The following SCAI variants were observed in gnomAD, a reference collection of about 807,000 sequenced individuals.
SCAI encodes the protein suppressor of cancer cell invasion, also known as protein SCAI.
SCAI carries 24 observed loss-of-function variants against 92.2 expected under a neutral mutation model. The ratio of observed to expected loss-of-function variants is 0.26; its 90% CI spans 0.19 to 0.37. The LOEUF is 0.37. SCAI is among the 10% of genes least tolerant of loss of function. SCAI has a pLI of 1.00. For synonymous variants in SCAI, 261 were observed against 258.6 expected (o/e 1.01, Z -0.09); for missense variants, 450 against 736.2 (o/e 0.61, Z 4.50).
Position 125,099,943 on chromosome 9 carries a change from T to TG in SCAI, c.98+42689dup, listed in dbSNP as rs1834644708. Among the ~76,000 whole-genome samples, 3 of 152,386 alleles carry TG rather than the reference T, an allele frequency of 2.0e-5. No homozygotes were observed. The South Asian group carries it at 6.2e-4, about 32-fold the overall frequency. Reference sequence around the variant, plus strand: ...TTGTTTATCTGTCCATCTATATCAATGGACATCCGGGTTGTGTGCACCTTT... The same window carrying TG: ...TTGTTTATCTGTCCATCTATATCAATGGGACATCCGGGTTGTGTGCACCTTT... On this transcript the variant is annotated intron_variant, in intron 2 of 17. Transcript: ENST00000336505.
At chr9:125,130,935 G>GTT (rs1564133509) in intron 2 of SCAI, among the ~76,000 whole-genome samples, 1 of 92,738 alleles carries the variant, frequency 1.1e-5, no homozygotes, top group African/African-American at 3.6e-5. Flanking sequence ...GGTTTGAACC[G>GTT]CTTTTTTTTT....
At chr9:125,097,668 G>C (rs1226259045) in intron 2 of SCAI, among the ~76,000 whole-genome samples, 3 of 151,686 alleles carry the variant, frequency 2.0e-5, no homozygotes, top group African/African-American at 7.3e-5. Context: ...AGAAGAGAAA[G>C]AAGTAGGAAG....
chr9:124,991,351 CAAAAAAAAAAAAAA>C (rs34976572), intron 14 of SCAI, among the ~76,000 whole-genome samples: 10 of 40,228 alleles, frequency 2.5e-4, no homozygotes, highest in African/African-American at 1.1e-3. Flanking sequence ...AACTCCGTCT[CAAAAAAAAAAAAAA>C]AAAAAAAAAA....
In SCAI at chr9:125,093,094, C is replaced by T. The variant is rs1168698879; in HGVS notation, c.99-37087G>A. 2.6e-5 allele frequency among the ~76,000 whole-genome samples: 4 copies of T among 152,242 alleles called. No homozygotes were observed. In the East Asian group the frequency reaches 7.7e-4, roughly 29 times the overall value. The stretch of plus-strand genomic sequence containing the variant: ...CATCATTTCCGGCTGGGCACGATGG[C>T]TCATGCCTATAATCCCAACACTTTG... On this transcript the variant is annotated intron_variant, in intron 2 of 17. Transcript: ENST00000336505.
At chr9:125,112,031 T>C (rs560522300) in intron 2 of SCAI, among the ~76,000 whole-genome samples, 1 of 152,222 alleles carries the variant, frequency 6.6e-6, no homozygotes, top group Admixed American at 6.5e-5. Context: ...CTGAGAGGAT[T>C]AGAGGGAACA....
At chr9:125,063,637 G>A (rs549277407) in intron 2 of SCAI, among the ~76,000 whole-genome samples, 1 of 151,752 alleles carries the variant, frequency 6.6e-6, no homozygotes, top group South Asian at 2.1e-4. Flanking sequence ...GGGAAGAAGT[G>A]TAGCTACGCT....
chr9:124,976,787 A>G (rs1335218443), intron 14 of SCAI, among the ~76,000 whole-genome samples: 1 of 152,256 alleles, frequency 6.6e-6, no homozygotes, highest in Non-Finnish European at 1.5e-5. Flanking sequence ...TCCTAGGAGT[A>G]AACTTAAAAA....
At position 125,055,950 on chromosome 9, in the gene SCAI, T is replaced by C. The variant is rs201850337; in HGVS notation, c.156A>G (p.Pro52=). ...CTGTAACTGTTTTCCTCTCTCCCTG[T>C]GGGATATCATCTTCAGCACCTCCAG... ...MSSGGAEDDI[P]QGERKTVTDF... is the part of the protein sequence containing the mutation. The change falls in exon 3 of 18, where the codon CCA becomes CCG. Residue 52 remains proline, a synonymous_variant. Coordinates refer to ENST00000336505, the MANE Select transcript of SCAI (RefSeq NM_001144877.3). The C allele has an allele frequency of 2.2e-5, 35 of 1,611,422 alleles. No homozygotes were observed. Among genetic ancestry groups the C allele is most frequent in the African/African-American group, 2.7e-5 (2 of 74,870 alleles).
At chr9:125,094,200 A>G (rs1316167349) in intron 2 of SCAI, among the ~76,000 whole-genome samples, 1 of 152,222 alleles carries the variant, frequency 6.6e-6, no homozygotes, top group Non-Finnish European at 1.5e-5. Context: ...CCAAGTCTTT[A>G]CAATGGCTTA....
intron 3 of SCAI, among the ~76,000 whole-genome samples, chr9:125,042,452 C>T (rs1487833021): frequency 1.3e-5 from 2 of 151,996 alleles, no homozygotes; most frequent in Non-Finnish European, 2.9e-5. Context: ...AAATCCAAGT[C>T]CAAGGGGCAT....
chr9:125,052,122 T>A (rs1833572090), intron 3 of SCAI, among the ~76,000 whole-genome samples: 1 of 152,048 alleles, frequency 6.6e-6, no homozygotes, highest in South Asian at 2.1e-4. Context: ...TATAAAACTC[T>A]TAGAAAAAAA....
intron 3 of SCAI, among the ~76,000 whole-genome samples, chr9:125,049,471 C>T (rs1255537737): frequency 6.6e-6 from 1 of 152,212 alleles, no homozygotes; most frequent in Non-Finnish European, 1.5e-5. Context: ...GTATTCAAAG[C>T]TTTTTCTAAC....
At chr9:125,074,601 C>A (rs1834050120) in intron 2 of SCAI, among the ~76,000 whole-genome samples, 1 of 151,780 alleles carries the variant, frequency 6.6e-6, no homozygotes, top group Admixed American at 6.6e-5. Flanking sequence ...TGGCAAAGAA[C>A]AGATAGAATC....
rs957237880 is a variant in SCAI, at chr9:124,948,588, A to G, written c.*4219T>C. On this transcript the variant is annotated 3_prime_UTR_variant, in exon 18 of 18. Transcript: ENST00000336505. ...TTTAGTTCTAGCTCTATCACTATGA[A>G]TAGCTTTTTGGGTCTCAGCTTTCTC... 1.3e-5 allele frequency: 2 copies of G among 152,208 alleles called. No homozygotes were observed. Among genetic ancestry groups the G allele is most frequent in the African/African-American group, 4.8e-5 (2 of 41,454 alleles). 9.4% of individuals were successfully genotyped at this position (152,208 alleles called of 1,614,324 possible).
chr9:125,136,549 C>T (rs1835535843), intron 2 of SCAI, among the ~76,000 whole-genome samples: 1 of 148,484 alleles, frequency 6.7e-6, no homozygotes, highest in African/African-American at 2.5e-5. Flanking sequence ...CAACCTCTGC[C>T]TCCCAGGTTG....
chr9:125,033,435 A>G (rs949277565), intron 3 of SCAI, among the ~76,000 whole-genome samples: 1 of 152,106 alleles, frequency 6.6e-6, no homozygotes, highest in African/African-American at 2.4e-5. Context: ...TAAATGATGT[A>G]TTATGGGAAC....
intron 9 of SCAI, among the ~76,000 whole-genome samples, chr9:125,006,027 T>C (rs1832499500): frequency 6.6e-6 from 1 of 152,150 alleles, no homozygotes; most frequent in African/African-American, 2.4e-5. Context: ...CAAAAACTGA[T>C]ACTGCCCCCA....
intron 2 of SCAI, among the ~76,000 whole-genome samples, chr9:125,122,773 G>C (rs780693090): frequency 6.6e-6 from 1 of 152,048 alleles, no homozygotes; most frequent in Non-Finnish European, 1.5e-5. Context: ...GGGCGTAGTG[G>C]TATGTGACAG....
At chr9:125,041,695 A>G (rs1833321072) in intron 3 of SCAI, among the ~76,000 whole-genome samples, 1 of 152,196 alleles carries the variant, frequency 6.6e-6, no homozygotes, top group African/African-American at 2.4e-5. Flanking sequence ...GGCTCCTAAC[A>G]GTAAGCTGTA....
Sources: gnomAD v4.1 joint callset for allele counts (sites outside exome capture counted in the v4.1 genomes callset) on GRCh38, gnomAD v4.1.1 for gene constraint, MANE v1.5 for transcripts, NCBI Gene and HGNC (gene_info 2026-07-23, HGNC 2026-07-21) for gene names.